Variants in RSPH6A observed in about 807,000 individuals in gnomAD.
RSPH6A encodes the protein radial spoke head 6 homolog A.
RSPH6A carries 49 observed loss-of-function variants against 66.1 expected under a neutral mutation model. That is an observed-to-expected ratio of 0.74 (90% CI 0.59 to 0.94). RSPH6A has a LOEUF of 0.94. Among genes scored for constraint, RSPH6A ranks in the 40% least tolerant of loss-of-function variants. The pLI is 0.00. For synonymous variants in RSPH6A, 419 were observed against 402.4 expected (o/e 1.04, Z -0.49); for missense variants, 977 against 948.3 (o/e 1.03, Z -0.40).
rs45456391 is a variant in RSPH6A, at chr19:45,804,654, C to T, written c.1251G>A (p.Glu417=). The T allele has an allele frequency of 2.5e-6, 4 of 1,614,156 alleles. No homozygotes were observed. Among genetic ancestry groups the T allele is most frequent in the Non-Finnish European group, 3.4e-6 (4 of 1,180,030 alleles). The stretch of plus-strand genomic sequence containing the variant: ...ACTTGTTGGCGCCTGAGCGGCTCTC[C>T]TCCTTGGGGATCACGGGCGGCGGCT... ...VWKPPPVIPK[E]ESRSGANKYL... is the part of the protein sequence containing the mutation. The change falls in exon 3 of 6, where the codon GAG becomes GAA. Residue 417 remains glutamate (E), a synonymous_variant. Coordinates refer to ENST00000221538, the MANE Select transcript of RSPH6A (RefSeq NM_030785.4). The surrounding 1 kb of genome is among the most constrained non-coding windows in gnomAD (Gnocchi z 5.8).
In RSPH6A at chr19:45,802,175, C is replaced by T; in HGVS notation, c.1743G>A (p.Glu581=). The T allele has an allele frequency of 1.9e-6, 3 of 1,562,244 alleles. No individual in the cohort carries two copies. Among genetic ancestry groups the T allele is most frequent in the Non-Finnish European group, 2.6e-6 (3 of 1,150,246 alleles). ...GGGGGCCAACCTCCTGCTCCACCTCCTCTGGCCCCTCATCTGCCTTCTCTT... is the reference window on the plus strand; with the variant it reads ...GGGGGCCAACCTCCTGCTCCACCTCTTCTGGCCCCTCATCTGCCTTCTCTT... ...EEEEKADEGP[E]EVEQEVGPPL... The change falls in exon 4 of 6, where the codon GAG becomes GAA. Residue 581 remains glutamate, a synonymous_variant. Coordinates refer to ENST00000221538, the MANE Select transcript of RSPH6A (RefSeq NM_030785.4).
chr19:45,797,468 A>G (rs1970420778), intron 5 of RSPH6A, among the ~76,000 whole-genome samples: 1 of 152,116 alleles, frequency 6.6e-6, no homozygotes, highest in East Asian at 1.9e-4. Context: ...GTGAGACATA[A>G]TTTTATGTTG....
At chr19:45,813,212 G>A (rs1970650663) in intron 1 of RSPH6A, among the ~76,000 whole-genome samples, 1 of 152,094 alleles carries the variant, frequency 6.6e-6, no homozygotes, top group Admixed American at 6.6e-5. Flanking sequence ...AAAACAGCAA[G>A]CCTCAGAGCC....
chr19:45,808,819 G>C (rs12460541), intron 2 of RSPH6A, among the ~76,000 whole-genome samples: 2 of 149,862 alleles, frequency 1.3e-5, no homozygotes, highest in African/African-American at 4.9e-5. Context: ...CCGCCACCAC[G>C]CCTGGCTAAT....
At chr19:45,796,257 G>A (rs1209966417) in intron 5 of RSPH6A, 151 bp from the exon 6 acceptor site, 7 of 552,676 alleles carry the variant, frequency 1.3e-5, no homozygotes, top group African/African-American at 3.9e-5. Context: ...AGGTTCAAGC[G>A]ATTCTCCTGC....
chr19:45,815,020 T>C lies in RSPH6A; in HGVS notation c.157A>G (p.Asn53Asp), dbSNP rs1211969809. Reference protein sequence around the residue: ...RQQIPPDAQRNAPGWSQRGSL... With the variant: ...RQQIPPDAQRDAPGWSQRGSL... Reference sequence around the variant, plus strand: ...CCCCTCTGTGACCAACCAGGGGCGTTTCGCTGGGCGTCTGGAGGTATCTGC... The same window carrying C: ...CCCCTCTGTGACCAACCAGGGGCGTCTCGCTGGGCGTCTGGAGGTATCTGC... Residue 53 changes from asparagine to aspartate, a missense_variant, in exon 1 of 6, where the codon AAC becomes GAC. Physicochemically the swap from Asn to Asp is conservative, Grantham distance 23 (BLOSUM62 1). Coordinates refer to ENST00000221538, the MANE Select transcript of RSPH6A (RefSeq NM_030785.4). 2 of 1,613,614 alleles carry C rather than the reference T, an allele frequency of 1.2e-6. No individual in the cohort carries two copies. Among genetic ancestry groups the C allele is most frequent in the Admixed American group, 3.3e-5 (2 of 60,008 alleles).
At chr19:45,812,421 T>C (rs1043273453) in intron 1 of RSPH6A, among the ~76,000 whole-genome samples, 1 of 151,974 alleles carries the variant, frequency 6.6e-6, no homozygotes, top group Non-Finnish European at 1.5e-5. Flanking sequence ...TTGGTCTGAT[T>C]TCCAAGCATG....
Position 45,804,691 on chromosome 19 carries a change from T to C in RSPH6A, c.1214A>G (p.Lys405Arg), listed in dbSNP as rs1970518478. The C allele has an allele frequency of 5.0e-6, 8 of 1,614,020 alleles. No individual in the cohort carries two copies. The highest frequency in any genetic ancestry group is 6.8e-6 in the Non-Finnish European group (8 of 1,180,018). ...DEEKAVDIVP[K>R]SVWKPPPVIP... is the part of the protein sequence containing the mutation. ...CACGGGCGGCGGCTTCCATACGGACTTAGGGACGATGTCCACGGCCTTCTC... is the reference window on the plus strand; with the variant it reads ...CACGGGCGGCGGCTTCCATACGGACCTAGGGACGATGTCCACGGCCTTCTC... Residue 405 changes from lysine to arginine, a missense_variant, in exon 3 of 6, where the codon AAG becomes AGG. Coordinates refer to ENST00000221538, the MANE Select transcript of RSPH6A (RefSeq NM_030785.4). This position sits in a 1 kb window ranked among gnomAD's most constrained non-coding sequence, Gnocchi z 5.8.
intron 5 of RSPH6A, among the ~76,000 whole-genome samples, chr19:45,799,689 T>A (rs1196983402): frequency 6.6e-6 from 1 of 152,028 alleles, no homozygotes; most frequent in Admixed American, 6.6e-5. Flanking sequence ...AAGCTTGCCA[T>A]TCTTTTTGGA....
chr19:45,814,636 C>G lies in RSPH6A; in HGVS notation c.541G>C (p.Gly181Arg). The G allele has an allele frequency of 6.2e-7, 1 of 1,605,654 alleles. No homozygotes were observed. The highest frequency in any genetic ancestry group is 1.3e-5 in the African/African-American group (1 of 74,886). The change falls in exon 1 of 6, where the codon GGC (glycine) becomes CGC (arginine). Residue 181 changes from glycine (G) to arginine (R), a missense_variant. Coordinates refer to ENST00000221538, the MANE Select transcript of RSPH6A (RefSeq NM_030785.4). ...PALQFLPSEL[G>R]FPHYSAQVPE... ...ACCTGGGCACTGTAGTGTGGGAAGCCCAGCTCAGAGGGCAAGAACTGAAGG... is the reference window on the plus strand; with the variant it reads ...ACCTGGGCACTGTAGTGTGGGAAGCGCAGCTCAGAGGGCAAGAACTGAAGG...
At chr19:45,797,597 C>G (rs1160865505) in intron 5 of RSPH6A, among the ~76,000 whole-genome samples, 1 of 151,852 alleles carries the variant, frequency 6.6e-6, no homozygotes, top group African/African-American at 2.4e-5. Context: ...AAACTCCCTG[C>G]CAGGTGCGGT....
At chr19:45,796,160 C>CTTTT in intron 5 of RSPH6A, 54 bp from the exon 6 acceptor site, 100 of 919,746 alleles carry the variant, frequency 1.1e-4, no homozygotes, top group Non-Finnish European at 1.2e-4. Context: ...CCAGACTTGA[C>CTTTT]TTTTTTTTTT....
intron 3 of RSPH6A, among the ~76,000 whole-genome samples, chr19:45,802,487 T>G (rs975525078): frequency 3.3e-5 from 5 of 149,658 alleles, no homozygotes; most frequent in Non-Finnish European, 5.9e-5. Context: ...CATTCATGCA[T>G]TCATTCACTC....
chr19:45,797,635 A>C (rs1970422379), intron 5 of RSPH6A, among the ~76,000 whole-genome samples: 2 of 151,374 alleles, frequency 1.3e-5, no homozygotes, highest in African/African-American at 2.4e-5. Flanking sequence ...CCAGCACTTT[A>C]GGAGGCCGAG....
At chr19:45,810,494 G>T in intron 2 of RSPH6A, 109 bp downstream of exon 2, 2 of 1,034,882 alleles carry the variant, frequency 1.9e-6, no homozygotes, top group Non-Finnish European at 3.0e-6. Flanking sequence ...TTTGTGACTG[G>T]ATTGTGCAAT....
In RSPH6A at chr19:45,809,453, C is replaced by T. The variant is rs1042566580; in HGVS notation, c.888+1150G>A. Among the ~76,000 whole-genome samples, 43 of 150,646 alleles carry T rather than the reference C, an allele frequency of 2.9e-4. 1 individual carries two copies. Among genetic ancestry groups the T allele is most frequent in the South Asian group, 1.3e-3 (6 of 4,766 alleles). On this transcript the variant is annotated intron_variant, in intron 2 of 5. Coordinates refer to ENST00000221538, the MANE Select transcript of RSPH6A (RefSeq NM_030785.4). Reference sequence around the variant, plus strand: ...CCTAGTAGCTGGGACTACAGGTGCCCGCCACCATGCCCGGCTAATTTTTTG... The same window carrying T: ...CCTAGTAGCTGGGACTACAGGTGCCTGCCACCATGCCCGGCTAATTTTTTG...
rs1410717463 is a variant in RSPH6A at position 45,814,694 on chromosome 19, G to C, written c.483C>G (p.Ala161=). The change falls in exon 1 of 6, where the codon GCC becomes GCG. Residue 161 remains alanine, a synonymous_variant. Transcript: ENST00000221538. ...LYQTDQFSEG[A]QHGPYIRDDP... ...CATCCCTTATGTAAGGCCCGTGCTG[G>C]GCACCTTCAGAGAACTGGTCTGTCT... 8 of 1,612,764 alleles carry C rather than the reference G, an allele frequency of 5.0e-6. No individual in the cohort carries two copies. The South Asian group carries it at 7.7e-5, about 16-fold the overall frequency.
At chr19:45,810,862 G>C (rs962641006) in intron 1 of RSPH6A, 22 bp from the exon 2 acceptor site, 8 of 1,579,068 alleles carry the variant, frequency 5.1e-6, no homozygotes, top group Non-Finnish European at 6.9e-6. Context: ...AGGAGGAGTG[G>C]GAGGAGAGGG....
At position 45,810,668 on chromosome 19, in the gene RSPH6A, G is replaced by GT; in HGVS notation, c.822dup (p.Gln275ThrfsTer13). On this transcript the variant is annotated frameshift_variant, in exon 2 of 6. Transcript: ENST00000221538. LOFTEE classifies it high-confidence loss of function. ...CCACTCCGGGTGAACAGCGCCTTCTGTTTCTCCGCCATCTTGTAGGTGGGC... is the reference window on the plus strand; with the variant it reads ...CCACTCCGGGTGAACAGCGCCTTCTGTTTTCTCCGCCATCTTGTAGGTGGGC... The GT allele has an allele frequency of 1.2e-6, 2 of 1,613,830 alleles. No homozygotes were observed. Among genetic ancestry groups the GT allele is most frequent in the Non-Finnish European group, 1.7e-6 (2 of 1,179,992 alleles).
Sources: gnomAD v4.1 joint callset for allele counts (sites outside exome capture counted in the v4.1 genomes callset) on GRCh38, gnomAD v4.1.1 for gene constraint, Gnocchi (gnomAD v3.1) non-coding constraint, MANE v1.5 for transcripts, NCBI Gene and HGNC (gene_info 2026-07-23, HGNC 2026-07-21) for gene names.